Variants in FREM3 observed in about 807,000 individuals in gnomAD.
The protein encoded by FREM3 is FRAS1 related extracellular matrix 3.
In FREM3, 105 loss-of-function variants were observed where a neutral mutation model predicts 129.1. The observed-to-expected ratio is 0.81, with a 90% CI of 0.69 to 0.96. The LOEUF is 0.96. Ranked by LOEUF, FREM3 falls within the 40% of genes least tolerant of loss-of-function variation. The pLI, the probability that FREM3 is intolerant of heterozygous loss-of-function variation, is 0.00. For missense variants in FREM3, 2,593 were observed against 2,666.3 expected, an observed-to-expected ratio of 0.97 and a Z score of 0.61; for synonymous variants, 1,014 against 1,044.9, an observed-to-expected ratio of 0.97 and a Z score of 0.57.
At chr4:143,631,399 G>A (rs528767569) in intron 2 of FREM3, among the ~76,000 whole-genome samples, 69 of 152,018 alleles carry the variant, frequency 4.5e-4, no homozygotes, top group African/African-American at 1.5e-3. Context: ...GCTGGAGTGC[G>A]GTAGCACCGT....
chr4:143,604,164 T>C (rs1738625467), intron 6 of FREM3, among the ~76,000 whole-genome samples: 1 of 152,156 alleles, frequency 6.6e-6, no homozygotes, highest in African/African-American at 2.4e-5. Flanking sequence ...GATCTGCACA[T>C]GGCAGCTCCC....
chr4:143,692,508 C>T (rs1740490935), intron 2 of FREM3, among the ~76,000 whole-genome samples: 1 of 152,136 alleles, frequency 6.6e-6, no homozygotes, highest in African/African-American at 2.4e-5. Flanking sequence ...ACCACATAAT[C>T]ATTGAATCCC....
chr4:143,584,803 C>T (rs1413171324), intron 7 of FREM3, among the ~76,000 whole-genome samples: 3 of 152,176 alleles, frequency 2.0e-5, no homozygotes, highest in African/African-American at 7.2e-5. Flanking sequence ...ATAACACTCT[C>T]CACCCAAAAC....
intron 2 of FREM3, among the ~76,000 whole-genome samples, chr4:143,672,040 A>G (rs1012453787): frequency 8.5e-5 from 13 of 152,156 alleles, no homozygotes; most frequent in African/African-American, 3.1e-4. Context: ...TCTCTCTCCC[A>G]TTGTCACTGC....
chr4:143,696,778 T>A lies in FREM3; in HGVS notation c.3898A>T (p.Thr1300Ser), dbSNP rs1460629354. 2 of 1,537,812 alleles carry A rather than the reference T, an allele frequency of 1.3e-6. No individual in the cohort carries two copies. The highest frequency in any genetic ancestry group is 4.9e-5 in the East Asian group (2 of 40,912). Residue 1300 changes from threonine to serine, a missense_variant, in exon 1 of 8, where the codon ACC becomes TCC. Coordinates refer to ENST00000329798, the MANE Select transcript of FREM3 (RefSeq NM_001168235.2). ...TTHRKVPIVV[T>S]LVDDETPHLT... ...TGAGGAGTTTCATCATCCACTAGGG[T>A]CACTACAATGGGTACCTTCCTGTGG...
intron 2 of FREM3, among the ~76,000 whole-genome samples, chr4:143,664,200 C>T (rs1194874387): frequency 6.6e-6 from 1 of 151,974 alleles, no homozygotes; most frequent in Admixed American, 6.6e-5. Context: ...TCTGTTTTTT[C>T]CCCATCTTTG....
Position 143,577,840 on chromosome 4 carries a change from T to G in FREM3, c.6191A>C (p.Tyr2064Ser). ...GTCCAGGTTTCGGCTGATACCAACATAATCTGTTCCAGCTAGTGAAAAAGG... is the reference window on the plus strand; with the variant it reads ...GTCCAGGTTTCGGCTGATACCAACAGAATCTGTTCCAGCTAGTGAAAAAGG... Reference protein sequence around the residue: ...EQESAEAGTDYVGISRNLDFA... With the variant: ...EQESAEAGTDSVGISRNLDFA... The change falls in exon 8 of 8, where the codon TAT (tyrosine) becomes TCT (serine). Residue 2064 changes from tyrosine to serine, a missense_variant. Transcript: ENST00000329798. 6.5e-7 allele frequency: 1 copy of G among 1,537,112 alleles called. No individual in the cohort carries two copies. The highest frequency in any genetic ancestry group is 8.7e-7 in the Non-Finnish European group (1 of 1,146,864).
Position 143,698,804 on chromosome 4 carries a change from A to T in FREM3, c.1872T>A (p.Thr624=). The change falls in exon 1 of 8, where the codon ACT becomes ACA. Residue 624 remains threonine, a synonymous_variant. Transcript: ENST00000329798. ...CCATGTAGTGCCAGTCTTCATCTTCAGTTGAGAGAGGTAGTTCAGCCTGCT... is the reference window on the plus strand; with the variant it reads ...CCATGTAGTGCCAGTCTTCATCTTCTGTTGAGAGAGGTAGTTCAGCCTGCT... ...LLQQAELPLS[T]EDEDWHYMEK... is the part of the protein sequence containing the mutation. 6.5e-7 allele frequency: 1 copy of T among 1,537,626 alleles called. No individual in the cohort carries two copies. Among genetic ancestry groups the T allele is most frequent in the East Asian group, 2.4e-5 (1 of 40,910 alleles).
intron 7 of FREM3, among the ~76,000 whole-genome samples, chr4:143,580,817 A>G (rs1476963916): frequency 6.6e-6 from 1 of 152,210 alleles, no homozygotes; most frequent in Non-Finnish European, 1.5e-5. Context: ...AGAGAGCACA[A>G]AGATTGAGAA....
chr4:143,583,048 T>C (rs1325927723), intron 7 of FREM3, among the ~76,000 whole-genome samples: 1 of 151,882 alleles, frequency 6.6e-6, no homozygotes, highest in Non-Finnish European at 1.5e-5. Flanking sequence ...GCCGGGCTAA[T>C]TTTTTTGTAT....
At chr4:143,590,788 G>T (rs913660586) in intron 6 of FREM3, among the ~76,000 whole-genome samples, 32 of 152,160 alleles carry the variant, frequency 2.1e-4, no homozygotes, top group Middle Eastern at 3.4e-3. Flanking sequence ...TTTTTCTATT[G>T]ATTGGAATAG....
At chr4:143,662,510 A>C (rs1487733219) in intron 2 of FREM3, among the ~76,000 whole-genome samples, 1 of 138,456 alleles carries the variant, frequency 7.2e-6, no homozygotes, top group African/African-American at 2.5e-5. Context: ...ACTTCCAACT[A>C]TGTGGTCAAT....
At chr4:143,584,717 C>T (rs1189216102) in intron 7 of FREM3, among the ~76,000 whole-genome samples, 1 of 152,042 alleles carries the variant, frequency 6.6e-6, no homozygotes, top group East Asian at 1.9e-4. Context: ...ATTAGACAGA[C>T]CATCAAGGCA....
chr4:143,663,539 G>A (rs1485191099), intron 2 of FREM3, among the ~76,000 whole-genome samples: 1 of 151,956 alleles, frequency 6.6e-6, no homozygotes, highest in Non-Finnish European at 1.5e-5. Context: ...TTTCAACTTT[G>A]GTGAATCTGA....
At chr4:143,579,256 C>T (rs1010006359) in intron 7 of FREM3, among the ~76,000 whole-genome samples, 1 of 152,128 alleles carries the variant, frequency 6.6e-6, no homozygotes. Context: ...GAGTTTGAGA[C>T]CAGCCTGGCC....
chr4:143,604,500 G>A (rs745746502), intron 6 of FREM3, among the ~76,000 whole-genome samples: 2 of 151,876 alleles, frequency 1.3e-5, no homozygotes, highest in Non-Finnish European at 2.9e-5. Flanking sequence ...CTTCCTTTTA[G>A]GTGAACATAT....
chr4:143,694,063 G>A (rs112914680), intron 1 of FREM3, among the ~76,000 whole-genome samples: 15 of 152,154 alleles, frequency 9.9e-5, no homozygotes, highest in African/African-American at 1.9e-4. Flanking sequence ...CTTAAATACC[G>A]GGGTGATGAA....
chr4:143,588,678 A>G (rs1738291478), intron 6 of FREM3, among the ~76,000 whole-genome samples: 2 of 151,702 alleles, frequency 1.3e-5, no homozygotes, highest in Non-Finnish European at 2.9e-5. Context: ...AGTCTTTGCT[A>G]TTGTGAATAG....
chr4:143,627,791 G>A, intron 2 of FREM3, 31 bp from the exon 3 acceptor site: 1 of 1,494,402 alleles, frequency 6.7e-7, no homozygotes, highest in South Asian at 1.2e-5. Flanking sequence ...GGAAAAGTCA[G>A]CTGGAGTATT....
Sources: gnomAD v4.1 joint callset for allele counts (sites outside exome capture counted in the v4.1 genomes callset) on GRCh38, gnomAD v4.1.1 for gene constraint, MANE v1.5 for transcripts, NCBI Gene and HGNC (gene_info 2026-07-23, HGNC 2026-07-21) for gene names.